The following BMI1 variants were observed in gnomAD, a reference collection of about 807,000 sequenced individuals.
The protein encoded by BMI1 is polycomb complex protein BMI-1.
BMI1 carries 9 observed loss-of-function variants against 39.1 expected under a neutral mutation model. The ratio of observed to expected loss-of-function variants is 0.23; its 90% CI spans 0.14 to 0.40. The LOEUF (loss-of-function observed/expected upper bound fraction) is 0.40, where lower values mean the gene tolerates loss of function less well. BMI1 is among the 10% of genes least tolerant of loss of function. The pLI, the probability that BMI1 is intolerant of heterozygous loss-of-function variation, is 1.00. For missense variants in BMI1, 252 were observed against 390.8 expected (o/e 0.64, Z 2.99); for synonymous variants, 131 against 127.9 (o/e 1.02, Z -0.16).
intron 2 of BMI1, 40 bp downstream of exon 2, chr10:22,326,601 T>A: frequency 6.3e-7 from 1 of 1,597,004 alleles, no homozygotes; most frequent in Non-Finnish European, 8.5e-7. Context: ...ATCATGCGTA[T>A]TTCACAGTTC....
chr10:22,323,925 CAT>C (rs2132000868), intron 1 of BMI1, among the ~76,000 whole-genome samples: 1 of 152,340 alleles, frequency 6.6e-6, no homozygotes, highest in South Asian at 2.1e-4. Context: ...GGCATAAAAA[CAT>C]AACTGATTTT....
intron 1 of BMI1, among the ~76,000 whole-genome samples, chr10:22,322,908 G>C (rs998298730): frequency 6.6e-6 from 1 of 152,214 alleles, no homozygotes; most frequent in Non-Finnish European, 1.5e-5. Flanking sequence ...CAAGTAGAGA[G>C]ACTTTGATCA....
chr10:22,329,667 A>G lies in BMI1; in HGVS notation c.*125A>G, dbSNP rs1836241702. ...CCAATTTGCTTTCTTTTGTAGTGAC[A>G]TTAAATTTGGCTATAAAAGATGGAC... On this transcript the variant is annotated 3_prime_UTR_variant, in exon 10 of 10. Coordinates refer to ENST00000376663, the MANE Select transcript of BMI1 (RefSeq NM_005180.9). The G allele has an allele frequency of 8.4e-7, 1 of 1,187,758 alleles. No individual in the cohort carries two copies. The highest frequency in any genetic ancestry group is 1.2e-6 in the Non-Finnish European group (1 of 868,104). 73.6% of individuals were successfully genotyped at this position (1,187,758 alleles called of 1,614,324 possible).
At chr10:22,327,891 T>C (rs1488685986) in intron 5 of BMI1, 59 bp from the exon 6 acceptor site, 20 of 1,581,972 alleles carry the variant, frequency 1.3e-5, no homozygotes, top group Admixed American at 3.8e-5. Context: ...CATCCTCTTA[T>C]ATATAAAATT....
intron 1 of BMI1, among the ~76,000 whole-genome samples, chr10:22,325,135 CAG>C (rs1836102548): frequency 1.3e-5 from 2 of 152,206 alleles, no homozygotes; most frequent in African/African-American, 2.4e-5. Context: ...TCTTGTAAAA[CAG>C]ATTTCAGTTT....
intron 2 of BMI1, 90 bp from the exon 3 acceptor site, chr10:22,326,800 T>A: frequency 6.7e-7 from 1 of 1,498,066 alleles, no homozygotes; most frequent in South Asian, 1.2e-5. Flanking sequence ...CCTTTCACCA[T>A]CTTGTTTTCT....
chr10:22,326,932 A>G lies in BMI1; in HGVS notation c.155A>G (p.Tyr52Cys). ...GTTCGTTACCTGGAGACCAGCAAGT[A>G]TTGTCCTATTTGTGATGTCCAAGTT... ...CIVRYLETSK[Y>C]CPICDVQVHK... is the part of the protein sequence containing the mutation. The change falls in exon 3 of 10, where the codon TAT becomes TGT. Residue 52 changes from tyrosine (Y) to cysteine (C), a missense_variant. Coordinates refer to ENST00000376663, the MANE Select transcript of BMI1 (RefSeq NM_005180.9). 1 of 1,614,070 alleles carries G rather than the reference A, an allele frequency of 6.2e-7. No homozygotes were observed. Among genetic ancestry groups the G allele is most frequent in the Non-Finnish European group, 8.5e-7 (1 of 1,179,950 alleles).
At chr10:22,325,249 A>G (rs1031385559) in intron 1 of BMI1, among the ~76,000 whole-genome samples, 17 of 152,214 alleles carry the variant, frequency 1.1e-4, no homozygotes, top group African/African-American at 3.1e-4. Context: ...CATCTCTGCA[A>G]TTTGAGCCCT....
At chr10:22,327,488 C>T in intron 3 of BMI1, 107 bp from the exon 4 acceptor site, 2 of 1,170,150 alleles carry the variant, frequency 1.7e-6, no homozygotes. Context: ...TAGACAGCAT[C>T]ACAATCAAGT....
chr10:22,328,239 A>C, intron 7 of BMI1, 60 bp downstream of exon 7: 2 of 1,543,716 alleles, frequency 1.3e-6, no homozygotes. Context: ...AGATTTTATC[A>C]GGGATTGTGT....
At chr10:22,327,056 CTT>C (rs1836171362) in intron 3 of BMI1, 70 bp downstream of exon 3, 1 of 1,525,214 alleles carries the variant, frequency 6.6e-7, no homozygotes, top group Non-Finnish European at 9.0e-7. Flanking sequence ...AGGCAACCCT[CTT>C]TATTTCTTCA....
intron 8 of BMI1, 92 bp downstream of exon 8, chr10:22,328,790 AG>A: frequency 7.4e-7 from 1 of 1,352,124 alleles, no homozygotes; most frequent in Non-Finnish European, 9.9e-7. Flanking sequence ...AAAAAGCAAT[AG>A]AAAAAAAATG....
chr10:22,325,841 C>T (rs1292018090), intron 1 of BMI1: 1 of 152,150 alleles, frequency 6.6e-6, no homozygotes, highest in Non-Finnish European at 1.5e-5. Context: ...GTCCGCCGCG[C>T]TCAGGCCCCG....
At chr10:22,326,625 A>G in intron 2 of BMI1, 64 bp downstream of exon 2, 11 of 1,576,562 alleles carry the variant, frequency 7.0e-6, no homozygotes, top group Non-Finnish European at 9.5e-6. Flanking sequence ...CTGGAATTTG[A>G]AAACTGTTAA....
In BMI1 at chr10:22,327,727, T is replaced by C. The variant is rs1256968427; in HGVS notation, c.266-15T>C. 6.2e-7 allele frequency: 1 copy of C among 1,613,372 alleles called. No individual in the cohort carries two copies. The highest frequency in any genetic ancestry group is 1.1e-5 in the South Asian group (1 of 91,036). ...TGTGTTATGCCAAATGTTTACATCT[T>C]TTTTCCCCATTCAGATGAAATGAAG... is the stretch of plus-strand genomic sequence containing the variant. On this transcript the variant is annotated splice_polypyrimidine_tract_variant and intron_variant, in intron 4 of 9. Coordinates refer to ENST00000376663, the MANE Select transcript of BMI1 (RefSeq NM_005180.9).
rs1836063774 is a variant in BMI1 at position 22,323,649 on chromosome 10, T to C, written c.-20+1953T>C. On this transcript the variant is annotated intron_variant, in intron 1 of 9. Transcript: ENST00000376663. ...CTGATGGTTAACATAAGAACTTGCTTCTGTTTTCCTTCATTTTGACATTCC... is the reference window on the plus strand; with the variant it reads ...CTGATGGTTAACATAAGAACTTGCTCCTGTTTTCCTTCATTTTGACATTCC... 2.6e-5 allele frequency among the ~76,000 whole-genome samples: 4 copies of C among 152,250 alleles called. No individual in the cohort carries two copies. In the South Asian group the frequency reaches 8.3e-4, roughly 31 times the overall value.
rs1330054869 is a variant in BMI1, at chr10:22,329,528, ACTT to A, written c.973_975del (p.Ser325del). The A allele has an allele frequency of 1.5e-5, 25 of 1,613,708 alleles. No homozygotes were observed. The highest frequency in any genetic ancestry group is 2.1e-5 in the Non-Finnish European group (25 of 1,179,788). On this transcript the variant is annotated inframe_deletion, in exon 10 of 10. Transcript: ENST00000376663. The stretch of plus-strand genomic sequence containing the variant: ...ATCATCAGTAAATGGGTCATCAGCA[ACTT>A]CTTCTGGTTGATACCTGAGACTGTT...
At position 22,328,731 on chromosome 10, in the gene BMI1, A is replaced by G. The variant is rs544220433; in HGVS notation, c.570+33A>G. The G allele has an allele frequency of 5.2e-6, 8 of 1,531,472 alleles. No individual in the cohort carries two copies. In the East Asian group the frequency reaches 1.4e-4, roughly 27 times the overall value. The allele number at this position is 1,531,472 out of a possible 1,614,324, so 94.9% of individuals were successfully genotyped here. ...CTTTTATATTCTTCTTGCATTTTAC[A>G]TAGATTTTACAATTTTAATTACATT... On this transcript the variant is annotated intron_variant, in intron 8 of 9. Coordinates refer to ENST00000376663, the MANE Select transcript of BMI1 (RefSeq NM_005180.9).
At chr10:22,326,327 A>G (rs1315048432) in intron 1 of BMI1, 104 bp from the exon 2 acceptor site, 2 of 1,473,460 alleles carry the variant, frequency 1.4e-6, no homozygotes, top group African/African-American at 1.4e-5. Context: ...CCAGCTGTAC[A>G]GTGTTAAATG....
Sources: allele counts gnomAD v4.1 joint callset (sites outside exome capture counted in the v4.1 genomes callset), GRCh38; gene constraint gnomAD v4.1.1; transcripts MANE v1.5; gene names NCBI Gene and HGNC (gene_info 2026-07-23, HGNC 2026-07-21).